UBE2W: variants seen among roughly 807,000 people sequenced by gnomAD.
The protein encoded by UBE2W is ubiquitin conjugating enzyme E2 W.
Under a neutral mutation model 27.2 loss-of-function variants are expected in UBE2W, and 18 were observed. The observed-to-expected ratio is 0.66, with a 90% CI of 0.46 to 0.98. The LOEUF is 0.98. Ranked by LOEUF, UBE2W falls within the 50% of genes least tolerant of loss-of-function variation. UBE2W has a pLI of 0.00. For missense variants in UBE2W, 90 were observed against 180.2 expected, an observed-to-expected ratio of 0.50 and a Z score of 2.87; for synonymous variants, 53 against 57.2, an observed-to-expected ratio of 0.93 and a Z score of 0.33.
chr8:73,870,266 T>C, intron 1 of UBE2W: 1 of 1,586,900 alleles, frequency 6.3e-7, no homozygotes, highest in Non-Finnish European at 8.6e-7. Flanking sequence ...AACACACACT[T>C]ACTGGAAACC....
intron 1 of UBE2W, among the ~76,000 whole-genome samples, chr8:73,864,356 G>C (rs367611962): frequency 6.6e-5 from 10 of 152,098 alleles, no homozygotes; most frequent in African/African-American, 2.4e-4. Context: ...CCACTGCACC[G>C]GGTGACAGAG....
chr8:73,844,293 G>C (rs190571660), intron 1 of UBE2W, among the ~76,000 whole-genome samples: 1 of 152,046 alleles, frequency 6.6e-6, no homozygotes, highest in Non-Finnish European at 1.5e-5. Context: ...GATTGCAGGC[G>C]CGCGCCGCCA....
chr8:73,788,023 A>G lies in UBE2W; in HGVS notation c.*6079T>C. Reference sequence around the variant, plus strand: ...GTTCCTGTTTCTATAATCCTTTAAAATTCAGTCTTTTGTGAAGAGAAACTA... The same window carrying G: ...GTTCCTGTTTCTATAATCCTTTAAAGTTCAGTCTTTTGTGAAGAGAAACTA... On this transcript the variant is annotated 3_prime_UTR_variant, in exon 6 of 6. Coordinates refer to ENST00000602593, the MANE Select transcript of UBE2W (RefSeq NM_018299.6). The G allele has an allele frequency of 1.0e-6, 1 of 985,432 alleles. No individual in the cohort carries two copies. The highest frequency in any genetic ancestry group is 1.2e-6 in the Non-Finnish European group (1 of 829,932). The allele number at this position is 985,432 out of a possible 1,614,324, so 61.0% of individuals were successfully genotyped here.
rs574336551 is a variant in UBE2W, at chr8:73,792,101, G to T, written c.*2001C>A. On this transcript the variant is annotated 3_prime_UTR_variant, in exon 6 of 6. Coordinates refer to ENST00000602593, the MANE Select transcript of UBE2W (RefSeq NM_018299.6). ...TCAAGTCAAACAGTAGTGTAGAGCA[G>T]TTACGCAAAATATGAAAATACATAA... 2 of 985,136 alleles carry T rather than the reference G, an allele frequency of 2.0e-6. No homozygotes were observed. Among genetic ancestry groups the T allele is most frequent in the Non-Finnish European group, 2.4e-6 (2 of 829,766 alleles). The allele number at this position is 985,136 out of a possible 1,614,324, so 61.0% of individuals were successfully genotyped here.
intron 1 of UBE2W, among the ~76,000 whole-genome samples, chr8:73,839,470 G>T (rs1810445389): frequency 1.3e-5 from 2 of 151,704 alleles, no homozygotes; most frequent in South Asian, 4.1e-4. Flanking sequence ...TGACCAACAT[G>T]GTGAAACCCC....
intron 1 of UBE2W, among the ~76,000 whole-genome samples, chr8:73,836,277 T>C (rs913528074): frequency 2.2e-4 from 34 of 152,176 alleles, no homozygotes; most frequent in Non-Finnish European, 4.3e-4. Flanking sequence ...CCTTCTTAGC[T>C]ACTAGGCAAT....
chr8:73,817,507 G>C (rs767060037), intron 3 of UBE2W, among the ~76,000 whole-genome samples: 1 of 152,056 alleles, frequency 6.6e-6, no homozygotes, highest in East Asian at 1.9e-4. Flanking sequence ...CTAAGCTTGA[G>C]GACTTCAGAG....
chr8:73,854,151 AAAAG>A (rs749071996), intron 1 of UBE2W, among the ~76,000 whole-genome samples: 66 of 152,198 alleles, frequency 4.3e-4, no homozygotes, highest in South Asian at 1.0e-3. Flanking sequence ...TCCGTCTCAA[AAAAG>A]AAAGAAAGAA....
At chr8:73,825,803 TAAAC>T (rs923909897) in intron 2 of UBE2W, among the ~76,000 whole-genome samples, 53 of 152,190 alleles carry the variant, frequency 3.5e-4, no homozygotes, top group Non-Finnish European at 1.9e-4. Flanking sequence ...TGTCTCAAAA[TAAAC>T]AAACAAACAG....
At chr8:73,848,549 C>T (rs1810914553) in intron 1 of UBE2W, among the ~76,000 whole-genome samples, 1 of 152,034 alleles carries the variant, frequency 6.6e-6, no homozygotes, top group African/African-American at 2.4e-5. Flanking sequence ...GCCAGGTATG[C>T]TGGTGTGTGC....
intron 1 of UBE2W, among the ~76,000 whole-genome samples, chr8:73,837,065 C>G (rs926236529): frequency 6.6e-6 from 1 of 152,166 alleles, no homozygotes; most frequent in African/African-American, 2.4e-5. Flanking sequence ...ATACTACTCT[C>G]CTCTGAATCT....
chr8:73,847,641 C>G (rs886872493), intron 1 of UBE2W, among the ~76,000 whole-genome samples: 3 of 19,938 alleles, frequency 1.5e-4, no homozygotes, highest in Non-Finnish European at 9.4e-4. Flanking sequence ...GTGGCTCACA[C>G]CTGTAATCCC....
At position 73,793,609 on chromosome 8, in the gene UBE2W, G is replaced by A. The variant is rs1230643680; in HGVS notation, c.*493C>T. 5.1e-6 allele frequency: 5 copies of A among 986,142 alleles called. No individual in the cohort carries two copies. In the East Asian group the frequency reaches 5.7e-4, roughly 112 times the overall value. The allele number at this position is 986,142 out of a possible 1,614,324, so 61.1% of individuals were successfully genotyped here. A position where few individuals can be genotyped will look rare whatever the true frequency, so the allele number is the denominator to read the frequency against. ...GAATCCAAATATAAACAGTTGGGGT[G>A]ACTTTTAAAGTAATGTTGGATCCCT... is the stretch of plus-strand genomic sequence containing the variant. On this transcript the variant is annotated 3_prime_UTR_variant, in exon 6 of 6. Transcript: ENST00000602593.
intron 3 of UBE2W, among the ~76,000 whole-genome samples, chr8:73,820,752 AAAACAAACAAAC>A (rs149777875): frequency 3.4e-4 from 50 of 148,950 alleles, no homozygotes; most frequent in South Asian, 1.1e-3. Flanking sequence ...AAAAAAATAA[AAAACAAACAAAC>A]AAACAAACAA....
chr8:73,806,843 C>T (rs1485401167), intron 4 of UBE2W, among the ~76,000 whole-genome samples: 4 of 152,120 alleles, frequency 2.6e-5, no homozygotes, highest in Non-Finnish European at 5.9e-5. Context: ...AGTTTCTAAA[C>T]AATATTTAAG....
intron 5 of UBE2W, chr8:73,795,664 TAATTTCAAGGGGGAAACAGA>T: frequency 1.9e-6 from 1 of 532,490 alleles, no homozygotes; most frequent in Non-Finnish European, 2.4e-6. Context: ...CATGATCCAG[TAATTTCAAGGGGGAAACAGA>T]CTGGAGTTTA....
chr8:73,869,625 A>T (rs1159039286), intron 1 of UBE2W, among the ~76,000 whole-genome samples: 3 of 152,148 alleles, frequency 2.0e-5, no homozygotes, highest in African/African-American at 7.2e-5. Flanking sequence ...TGGGAGACGG[A>T]GGTTGCAATG....
At position 73,790,184 on chromosome 8, in the gene UBE2W, A is replaced by G. The variant is rs1461770036; in HGVS notation, c.*3918T>C. On this transcript the variant is annotated 3_prime_UTR_variant, in exon 6 of 6. Transcript: ENST00000602593. ...CCTTCTGTAGAATCCCTAACCTCAG[A>G]AAAAAAAAAGAGAGAATAAATTAGA... 3 of 939,732 alleles carry G rather than the reference A, an allele frequency of 3.2e-6. No individual in the cohort carries two copies. Among genetic ancestry groups the G allele is most frequent in the Non-Finnish European group, 3.8e-6 (3 of 790,740 alleles). The allele number at this position is 939,732 out of a possible 1,614,324, so 58.2% of individuals were successfully genotyped here.
intron 1 of UBE2W, among the ~76,000 whole-genome samples, chr8:73,878,382 GC>G (rs1812329205): frequency 6.6e-6 from 1 of 152,196 alleles, no homozygotes; most frequent in South Asian, 2.1e-4. Context: ...CGCACACTCA[GC>G]CCCCCGCCGC....
Sources: allele counts gnomAD v4.1 joint callset (sites outside exome capture counted in the v4.1 genomes callset), GRCh38; gene constraint gnomAD v4.1.1; transcripts MANE v1.5; gene names NCBI Gene and HGNC (gene_info 2026-07-23, HGNC 2026-07-21).